The following PEX5L variants were observed in gnomAD, a reference collection of about 807,000 sequenced individuals.
The protein encoded by PEX5L is peroxisomal biogenesis factor 5 like, also known as PEX5-related protein.
A neutral mutation model predicts 84.0 loss-of-function variants in PEX5L; 30 were observed. The ratio of observed to expected loss-of-function variants is 0.36; its 90% CI spans 0.27 to 0.48. PEX5L has a LOEUF of 0.48. Among genes scored for constraint, PEX5L ranks in the 20% least tolerant of loss-of-function variants. PEX5L has a pLI of 0.99. For synonymous variants in PEX5L, 270 were observed against 283.1 expected (o/e 0.95, Z 0.46); for missense variants, 533 against 754.6 (o/e 0.71, Z 3.44).
At chr3:179,996,281 G>T (rs1787882250) in intron 1 of PEX5L, among the ~76,000 whole-genome samples, 1 of 152,190 alleles carries the variant, frequency 6.6e-6, no homozygotes, top group Non-Finnish European at 1.5e-5. Context: ...GAGCAGGCAT[G>T]GGAATGGATA....
chr3:179,867,387 A>G (rs1488540377), intron 7 of PEX5L, among the ~76,000 whole-genome samples: 1 of 152,028 alleles, frequency 6.6e-6, no homozygotes, highest in Non-Finnish European at 1.5e-5. Flanking sequence ...CACTTCCACA[A>G]ATATTTGAGA....
intron 1 of PEX5L, among the ~76,000 whole-genome samples, chr3:179,975,888 T>C (rs1785728682): frequency 6.6e-6 from 1 of 152,144 alleles, no homozygotes; most frequent in African/African-American, 2.4e-5. Flanking sequence ...AAGAAGAAAA[T>C]GTGCTGAAAA....
At chr3:179,965,139 T>A (rs370756116) in intron 2 of PEX5L, among the ~76,000 whole-genome samples, 4 of 152,342 alleles carry the variant, frequency 2.6e-5, no homozygotes, top group African/African-American at 9.6e-5. Flanking sequence ...TGTGCTAGAC[T>A]AGAGTATCTG....
intron 1 of PEX5L, among the ~76,000 whole-genome samples, chr3:180,012,842 T>C (rs1167177462): frequency 6.6e-6 from 1 of 152,124 alleles, no homozygotes; most frequent in East Asian, 1.9e-4. Context: ...TAATTTTATA[T>C]GATCAAACTA....
At chr3:179,974,472 G>A (rs1579185674) in intron 1 of PEX5L, among the ~76,000 whole-genome samples, 2 of 152,182 alleles carry the variant, frequency 1.3e-5, no homozygotes, top group Non-Finnish European at 2.9e-5. Flanking sequence ...TTAGTGCAGT[G>A]GAGCTAAAAT....
chr3:179,819,732 T>A lies in PEX5L; in HGVS notation c.939+128A>T, dbSNP rs75951504. On this transcript the variant is annotated intron_variant, in intron 9 of 14. Coordinates refer to ENST00000467460, the MANE Select transcript of PEX5L (RefSeq NM_016559.3). ...TCATTCTATCAGAATTTCTTCTAGG[T>A]CAGATTGACATTAAATTGTCTTTTT... is the stretch of plus-strand genomic sequence containing the variant. 1.6e-5 allele frequency: 13 copies of A among 832,408 alleles called. No homozygotes were observed. In the Admixed American group the frequency reaches 2.1e-4, roughly 13 times the overall value. The allele number at this position is 832,408 out of a possible 1,614,324, so 51.6% of individuals were successfully genotyped here. A position where few individuals can be genotyped will look rare whatever the true frequency, so the allele number is the denominator to read the frequency against.
At chr3:179,855,207 T>C (rs556081341) in intron 8 of PEX5L, among the ~76,000 whole-genome samples, 1 of 152,044 alleles carries the variant, frequency 6.6e-6, no homozygotes, top group African/African-American at 2.4e-5. Flanking sequence ...GGCAGGATGA[T>C]AACAAAAAAT....
chr3:179,917,676 G>A (rs1767709557), intron 2 of PEX5L, among the ~76,000 whole-genome samples: 1 of 152,032 alleles, frequency 6.6e-6, no homozygotes, highest in Non-Finnish European at 1.5e-5. Flanking sequence ...TTGAGACGGA[G>A]TTTTGCTTTT....
At chr3:179,931,505 C>T (rs915336117) in intron 2 of PEX5L, among the ~76,000 whole-genome samples, 11 of 152,110 alleles carry the variant, frequency 7.2e-5, no homozygotes, top group Admixed American at 7.2e-4. Flanking sequence ...AATGATAGAA[C>T]CACATTGGAA....
chr3:179,945,020 T>G (rs184280191), intron 2 of PEX5L, among the ~76,000 whole-genome samples: 1 of 152,244 alleles, frequency 6.6e-6, no homozygotes, highest in African/African-American at 2.4e-5. Flanking sequence ...ACATTTGAAA[T>G]GAGAAAAGCT....
intron 1 of PEX5L, among the ~76,000 whole-genome samples, chr3:179,995,725 T>G (rs779309314): frequency 6.6e-6 from 1 of 152,172 alleles, no homozygotes; most frequent in Admixed American, 6.5e-5. Context: ...CTGAGAGTCT[T>G]ATCTCCTGTA....
chr3:179,856,095 C>T (rs1210837278), intron 8 of PEX5L, among the ~76,000 whole-genome samples: 1 of 152,150 alleles, frequency 6.6e-6, no homozygotes, highest in Non-Finnish European at 1.5e-5. Context: ...TATAAAATGC[C>T]ACATAACTGT....
intron 2 of PEX5L, among the ~76,000 whole-genome samples, chr3:179,914,873 T>C (rs1467996093): frequency 6.6e-6 from 1 of 152,214 alleles, no homozygotes; most frequent in Admixed American, 6.5e-5. Context: ...TTTGCAGTGA[T>C]AGTGAAAATC....
At chr3:179,991,177 C>CT (rs1445957701) in intron 1 of PEX5L, among the ~76,000 whole-genome samples, 2 of 152,198 alleles carry the variant, frequency 1.3e-5, no homozygotes, top group African/African-American at 4.8e-5. Flanking sequence ...TTTAACCTGA[C>CT]TTGGAGCTCC....
chr3:180,036,617 A>T lies in PEX5L; in HGVS notation c.-18T>A, dbSNP rs1310082690. 6.2e-7 allele frequency: 1 copy of T among 1,613,912 alleles called. No individual in the cohort carries two copies. The highest frequency in any genetic ancestry group is 1.3e-5 in the African/African-American group (1 of 74,934). ...TGGTACATTCTGCTTCGGTTTCTTC[A>T]GGGCTCCCTGAGGCCACCGGATGCT... On this transcript the variant is annotated 5_prime_UTR_variant, in exon 1 of 15. Coordinates refer to ENST00000467460, the MANE Select transcript of PEX5L (RefSeq NM_016559.3).
At chr3:179,928,362 G>GT (rs1772070439) in intron 2 of PEX5L, among the ~76,000 whole-genome samples, 1 of 152,156 alleles carries the variant, frequency 6.6e-6, no homozygotes, top group Non-Finnish European at 1.5e-5. Flanking sequence ...GGGAACACCT[G>GT]TACCCATCCC....
In PEX5L at chr3:179,976,989, G is replaced by A. The variant is rs552262570; in HGVS notation, c.22-5324C>T. ...GCAACGATCCTTTGGAGAGAAACTG[G>A]TTCTCTTTTAAAATTTATTAATACA... On this transcript the variant is annotated intron_variant, in intron 1 of 14. Transcript: ENST00000467460. Among the ~76,000 whole-genome samples the A allele has an allele frequency of 1.5e-3, 236 of 152,276 alleles. 2 individuals carry two copies. The highest frequency in any genetic ancestry group is 6.8e-3 in the Middle Eastern group (2 of 294).
intron 3 of PEX5L, among the ~76,000 whole-genome samples, chr3:179,890,622 G>A (rs1463889635): frequency 6.6e-6 from 1 of 152,028 alleles, no homozygotes; most frequent in Admixed American, 6.6e-5. Flanking sequence ...ATATTCCGTG[G>A]AAAATCCCCT....
chr3:180,027,509 C>A (rs1024268653), intron 1 of PEX5L, among the ~76,000 whole-genome samples: 2 of 152,264 alleles, frequency 1.3e-5, no homozygotes, highest in Non-Finnish European at 2.9e-5. Context: ...TATATATACA[C>A]ACACACATGC....
Sources: allele counts gnomAD v4.1 joint callset (sites outside exome capture counted in the v4.1 genomes callset), GRCh38; gene constraint gnomAD v4.1.1; transcripts MANE v1.5; gene names NCBI Gene and HGNC (gene_info 2026-07-23, HGNC 2026-07-21).